The following SYNPR variants were observed in gnomAD, a reference collection of about 807,000 sequenced individuals.
SYNPR encodes synaptoporin.
In SYNPR, 23 loss-of-function variants were observed where a neutral mutation model predicts 32.9. The observed-to-expected ratio is 0.70, with a 90% CI of 0.50 to 0.99. The LOEUF (loss-of-function observed/expected upper bound fraction) is 0.99. SYNPR is among the 50% of genes least tolerant of loss of function. The pLI, the probability that SYNPR is intolerant of heterozygous loss-of-function variation, is 0.00. For missense variants in SYNPR, 318 were observed against 349.3 expected (o/e 0.91, Z 0.71); for synonymous variants, 146 against 135.9 (o/e 1.07, Z -0.52).
rs531328405 is a variant in SYNPR, at chr3:63,592,028, G to A, written c.409-17097G>A. ...GTAATTCAGTTAAGGATCTCATAAT[G>A]AGATCAAGCTGTATTTGGGTGGGCC... On this transcript the variant is annotated intron_variant, in intron 4 of 5. Coordinates refer to ENST00000478300, the MANE Select transcript of SYNPR (RefSeq NM_001130003.2). Among the ~76,000 whole-genome samples the A allele has an allele frequency of 2.9e-4, 44 of 152,036 alleles. 2 individuals are homozygous for A. The South Asian group carries it at 8.9e-3, about 31-fold the overall frequency.
At chr3:63,390,689 G>A (rs1037997597) in intron 2 of SYNPR, among the ~76,000 whole-genome samples, 3 of 152,184 alleles carry the variant, frequency 2.0e-5, no homozygotes, top group African/African-American at 7.2e-5. Flanking sequence ...CTGGCTCCAG[G>A]CTAACCGATT....
At position 63,414,513 on chromosome 3, in the gene SYNPR, G is replaced by A. The variant is rs917266260; in HGVS notation, c.85-66319G>A. On this transcript the variant is annotated intron_variant, in intron 2 of 5. Transcript: ENST00000478300. ...ATGTCAACAATGCTGCAACAAACCT[G>A]TCTTTGTCTTTTCATTATTGCAATT... Among the ~76,000 whole-genome samples, 102 of 152,124 alleles carry A rather than the reference G, an allele frequency of 6.7e-4. 2 individuals carry two copies. Among genetic ancestry groups the A allele is most frequent in the Admixed American group, 1.4e-3 (22 of 15,276 alleles).
At chr3:63,424,465 G>T (rs550717143) in intron 2 of SYNPR, among the ~76,000 whole-genome samples, 1 of 152,182 alleles carries the variant, frequency 6.6e-6, no homozygotes, top group African/African-American at 2.4e-5. Context: ...CTCTACCTTG[G>T]AGAATGATTG....
At chr3:63,365,806 C>A (rs1023214729) in intron 2 of SYNPR, among the ~76,000 whole-genome samples, 1 of 152,100 alleles carries the variant, frequency 6.6e-6, no homozygotes, top group African/African-American at 2.4e-5. Flanking sequence ...CAAAAACATT[C>A]TTTTATTACA....
chr3:63,571,372 G>A (rs1339018292), intron 4 of SYNPR, among the ~76,000 whole-genome samples: 1 of 152,102 alleles, frequency 6.6e-6, no homozygotes, highest in Admixed American at 6.6e-5. Context: ...CTTTAAAATA[G>A]GTATTAATCA....
At chr3:63,279,998 T>G (rs1404929717) in intron 2 of SYNPR, among the ~76,000 whole-genome samples, 2 of 152,216 alleles carry the variant, frequency 1.3e-5, no homozygotes, top group Non-Finnish European at 2.9e-5. Flanking sequence ...TCAGTTTGCT[T>G]TCTCAGAATT....
chr3:63,609,370 A>G (rs1459894820), intron 5 of SYNPR, 54 bp downstream of exon 5: 1 of 1,413,462 alleles, frequency 7.1e-7, no homozygotes, highest in East Asian at 2.7e-5. Flanking sequence ...GCCAGTCAAA[A>G]TAATAAGAAA....
intron 4 of SYNPR, among the ~76,000 whole-genome samples, chr3:63,573,512 T>C (rs759612981): frequency 5.9e-5 from 9 of 152,174 alleles, no homozygotes; most frequent in Non-Finnish European, 1.0e-4. Flanking sequence ...TTTAAGGATA[T>C]AATACTAGAG....
intron 3 of SYNPR, among the ~76,000 whole-genome samples, chr3:63,486,133 T>C (rs1384683032): frequency 6.6e-6 from 1 of 152,156 alleles, no homozygotes; most frequent in Non-Finnish European, 1.5e-5. Flanking sequence ...TATCTCAAAC[T>C]CCTGACCTCA....
rs551307966 is a variant in SYNPR, at chr3:63,405,199, T to C, written c.85-75633T>C. ...GCAGTGATGAACAAGGTAGACTCAA[T>C]TTCTCTCTGTAGCTGTCTATGGAAA... On this transcript the variant is annotated intron_variant, in intron 2 of 5. Transcript: ENST00000478300. Among the ~76,000 whole-genome samples, 19 of 152,260 alleles carry C rather than the reference T, an allele frequency of 1.2e-4. 2 individuals carry two copies. The South Asian group carries it at 3.8e-3, about 30-fold the overall frequency.
chr3:63,432,830 T>G (rs752075023), intron 2 of SYNPR, among the ~76,000 whole-genome samples: 23 of 152,248 alleles, frequency 1.5e-4, no homozygotes, highest in Non-Finnish European at 2.5e-4. Flanking sequence ...GGTGGCCTTC[T>G]TCATGATCAT....
At chr3:63,308,741 T>C (rs2086932312) in intron 2 of SYNPR, among the ~76,000 whole-genome samples, 1 of 151,992 alleles carries the variant, frequency 6.6e-6, no homozygotes, top group Admixed American at 6.6e-5. Flanking sequence ...ATTTAAGATT[T>C]TCTTCTTCAT....
Position 63,503,766 on chromosome 3 carries a change from A to G in SYNPR, c.209+22810A>G, listed in dbSNP as rs184157497. ...AGTAACAGTACCTCCTAAAACTAAC[A>G]AACTAACAAAATACCAAATACACAA... On this transcript the variant is annotated intron_variant, in intron 3 of 5. Coordinates refer to ENST00000478300, the MANE Select transcript of SYNPR (RefSeq NM_001130003.2). 2.1e-3 allele frequency among the ~76,000 whole-genome samples: 318 copies of G among 152,278 alleles called. 2 individuals are homozygous for G. The highest frequency in any genetic ancestry group is 2.6e-3 in the Non-Finnish European group (178 of 67,984).
intron 2 of SYNPR, among the ~76,000 whole-genome samples, chr3:63,367,609 G>C (rs2107045746): frequency 6.6e-6 from 1 of 152,178 alleles, no homozygotes; most frequent in South Asian, 2.1e-4. Flanking sequence ...GCCTGCCTCG[G>C]CCTCCTAAAG....
chr3:63,441,081 A>C (rs1349020477), intron 2 of SYNPR, among the ~76,000 whole-genome samples: 1 of 152,216 alleles, frequency 6.6e-6, no homozygotes, highest in African/African-American at 2.4e-5. Flanking sequence ...GCATACAATT[A>C]GGCTCAAATT....
At chr3:63,250,243 T>A (rs1312630357) in intron 1 of SYNPR, among the ~76,000 whole-genome samples, 3 of 152,152 alleles carry the variant, frequency 2.0e-5, no homozygotes, top group African/African-American at 4.8e-5. Flanking sequence ...TGCTAATTGC[T>A]CTGGTTTGAT....
At chr3:63,383,242 G>A (rs60761142) in intron 2 of SYNPR, among the ~76,000 whole-genome samples, 4,688 of 152,226 alleles carry the variant, frequency 0.031, 261 homozygotes, top group African/African-American at 0.11. Context: ...TGAACAAATT[G>A]ATAATAAAAT....
intron 3 of SYNPR, among the ~76,000 whole-genome samples, chr3:63,520,618 A>C (rs143805539): frequency 0.011 from 1,663 of 151,664 alleles, 13 homozygotes; most frequent in African/African-American, 0.037. Context: ...GGTTGCAGTG[A>C]GCTGAGATTG....
At chr3:63,416,133 A>T (rs1472906713) in intron 2 of SYNPR, among the ~76,000 whole-genome samples, 1 of 152,186 alleles carries the variant, frequency 6.6e-6, no homozygotes, top group East Asian at 1.9e-4. Context: ...AGTTCACAAG[A>T]CTGTTTTTAG....
Sources: gnomAD v4.1 joint callset for allele counts (sites outside exome capture counted in the v4.1 genomes callset) on GRCh38, gnomAD v4.1.1 for gene constraint, MANE v1.5 for transcripts, NCBI Gene and HGNC (gene_info 2026-07-23, HGNC 2026-07-21) for gene names.